The following RBFOX3 variants were observed in gnomAD, a reference collection of about 807,000 sequenced individuals.
RBFOX3 encodes the protein RNA binding fox-1 homolog 3.
Under a neutral mutation model 48.7 loss-of-function variants are expected in RBFOX3, and 17 were observed. The observed-to-expected ratio is 0.35, with a 90% CI of 0.24 to 0.52. The LOEUF (loss-of-function observed/expected upper bound fraction) is 0.52, where lower values mean the gene tolerates loss of function less well. Ranked by LOEUF, RBFOX3 falls within the 20% of genes least tolerant of loss-of-function variation. The pLI, the probability that RBFOX3 is intolerant of heterozygous loss-of-function variation, is 0.94. For missense variants in RBFOX3, 382 were observed against 497.5 expected (o/e 0.77, Z 2.21); for synonymous variants, 212 against 209.5 (o/e 1.01, Z -0.10).
At chr17:79,534,256 T>C (rs945481157) in intron 1 of RBFOX3, among the ~76,000 whole-genome samples, 14 of 152,198 alleles carry the variant, frequency 9.2e-5, no homozygotes, top group African/African-American at 3.4e-4. Context: ...GGTGACGGCT[T>C]CAGGAGGAGC....
intron 2 of RBFOX3, among the ~76,000 whole-genome samples, chr17:79,453,771 A>C (rs1555743082): frequency 6.6e-6 from 1 of 151,990 alleles, no homozygotes; most frequent in Non-Finnish European, 1.5e-5. Flanking sequence ...TGGGGGAGAG[A>C]TCTTCTCCCA....
chr17:79,303,681 G>C (rs911392492), intron 3 of RBFOX3, among the ~76,000 whole-genome samples: 1 of 152,068 alleles, frequency 6.6e-6, no homozygotes. Context: ...ATGGTTGCTA[G>C]GGGCAGACCA....
At chr17:79,485,242 G>A (rs1397971867) in intron 1 of RBFOX3, among the ~76,000 whole-genome samples, 1 of 152,160 alleles carries the variant, frequency 6.6e-6, no homozygotes, top group African/African-American at 2.4e-5. Context: ...GTCCTGGCAG[G>A]GGAGGCGCCC....
chr17:79,306,508 TCTTA>T (rs2076125259), intron 3 of RBFOX3, among the ~76,000 whole-genome samples: 1 of 152,176 alleles, frequency 6.6e-6, no homozygotes, highest in Non-Finnish European at 1.5e-5. Flanking sequence ...GGCTCCCTTC[TCTTA>T]CTGTTTCCAA....
At chr17:79,460,464 C>T (rs1239068167) in intron 2 of RBFOX3, among the ~76,000 whole-genome samples, 1 of 152,186 alleles carries the variant, frequency 6.6e-6, no homozygotes, top group African/African-American at 2.4e-5. Context: ...GCAGGCAGAG[C>T]TCGCAGGACT....
Position 79,403,279 on chromosome 17 carries a change from G to A in RBFOX3, c.-175+79175C>T, listed in dbSNP as rs575665924. On this transcript the variant is annotated intron_variant, in intron 2 of 14. Transcript: ENST00000693108. The stretch of plus-strand genomic sequence containing the variant: ...TTAGCTTGCCAGACTGTCCTAGAAG[G>A]CCCTTGGCTGGCAAGGCCCACACCC... Among the ~76,000 whole-genome samples the A allele has an allele frequency of 1.9e-3, 287 of 152,286 alleles. 1 individual carries two copies. The highest frequency in any genetic ancestry group is 3.1e-3 in the Non-Finnish European group (213 of 68,010).
upstream of RBFOX3, among the ~76,000 whole-genome samples, chr17:79,615,377 G>A (rs2093989748): frequency 6.6e-6 from 1 of 152,132 alleles, no homozygotes; most frequent in Non-Finnish European, 1.5e-5. Flanking sequence ...ATGAGGGATG[G>A]AAGAAACAGA....
chr17:79,467,127 C>T (rs1397290585), intron 2 of RBFOX3, among the ~76,000 whole-genome samples: 1 of 152,092 alleles, frequency 6.6e-6, no homozygotes, highest in African/African-American at 2.4e-5. Context: ...GCGGTGGCAT[C>T]ACCTGCCAGG....
intron 5 of RBFOX3, among the ~76,000 whole-genome samples, chr17:79,112,522 G>A (rs2032133880): frequency 6.6e-6 from 1 of 152,172 alleles, no homozygotes; most frequent in South Asian, 2.1e-4. Flanking sequence ...TGGGGTGGAG[G>A]AGACGGAGAG....
At chr17:79,424,893 T>A (rs1410904677) in intron 2 of RBFOX3, among the ~76,000 whole-genome samples, 1 of 151,982 alleles carries the variant, frequency 6.6e-6, no homozygotes, top group Non-Finnish European at 1.5e-5. Flanking sequence ...CCCACCATGG[T>A]CAACTGTCTG....
intron 4 of RBFOX3, among the ~76,000 whole-genome samples, chr17:79,178,252 G>A (rs1431241034): frequency 1.3e-5 from 2 of 152,208 alleles, no homozygotes; most frequent in Non-Finnish European, 2.9e-5. Flanking sequence ...GGACCCTTCC[G>A]CTTTTCTGAA....
chr17:79,638,334 T>A, the RBFOX3 span, among the ~76,000 whole-genome samples: 1 of 147,342 alleles, frequency 6.8e-6, no homozygotes. Context: ...TAAAATAAAA[T>A]TGACAAACCC....
intron 1 of RBFOX3, among the ~76,000 whole-genome samples, chr17:79,547,199 G>A (rs565528315): frequency 1.6e-4 from 24 of 152,122 alleles, no homozygotes; most frequent in Non-Finnish European, 2.6e-4. Context: ...AATCACTCAC[G>A]CCACTTTTGG....
At chr17:79,373,500 C>T (rs1480762253) in intron 2 of RBFOX3, among the ~76,000 whole-genome samples, 18 of 152,180 alleles carry the variant, frequency 1.2e-4, no homozygotes, top group Admixed American at 1.1e-3. Context: ...CTCCAAAGTG[C>T]TCTGTGAAAT....
chr17:79,515,296 T>C (rs955019426), intron 1 of RBFOX3, among the ~76,000 whole-genome samples: 1 of 152,018 alleles, frequency 6.6e-6, no homozygotes, highest in Non-Finnish European at 1.5e-5. Flanking sequence ...CCCCTGGGGG[T>C]GTGCAGTGCC....
intron 1 of RBFOX3, among the ~76,000 whole-genome samples, chr17:79,536,910 C>A (rs1470388290): frequency 2.0e-5 from 3 of 152,044 alleles, no homozygotes; most frequent in African/African-American, 7.2e-5. Flanking sequence ...ATGGTAAAAC[C>A]CCGTCTCTAC....
chr17:79,290,587 A>C (rs568897466), intron 3 of RBFOX3, among the ~76,000 whole-genome samples: 1 of 152,294 alleles, frequency 6.6e-6, no homozygotes, highest in South Asian at 2.1e-4. Flanking sequence ...GAGAGCTAGC[A>C]GTTAGCAAAT....
At chr17:79,656,802 GAAAGAAAAGAAAGAGAAAGAAAGAAAGA>G in the RBFOX3 span, among the ~76,000 whole-genome samples, 1 of 4,056 alleles carries the variant, frequency 2.5e-4, no homozygotes, top group East Asian at 0.028. Context: ...AAGAAAGAAA[GAAAGAAAAGAAAGAGAAAGAAAGAAAGA>G]AAAGAAAGAA....
intron 4 of RBFOX3, among the ~76,000 whole-genome samples, chr17:79,118,314 G>A (rs1242787196): frequency 1.3e-5 from 2 of 152,186 alleles, no homozygotes; most frequent in African/African-American, 4.8e-5. Flanking sequence ...GCACACACGT[G>A]TGCATGCGTA....
Sources: allele counts gnomAD v4.1 joint callset (sites outside exome capture counted in the v4.1 genomes callset), GRCh38; gene constraint gnomAD v4.1.1; transcripts MANE v1.5; gene names NCBI Gene and HGNC (gene_info 2026-07-23, HGNC 2026-07-21).